The following HMCN1 variants were observed in gnomAD, a reference collection of about 807,000 sequenced individuals.
The protein encoded by HMCN1 is hemicentin 1.
Under a neutral mutation model 625.9 loss-of-function variants are expected in HMCN1, and 321 were observed. That is an observed-to-expected ratio of 0.51 (90% confidence interval 0.47 to 0.56). The LOEUF is 0.56. Among genes scored for constraint, HMCN1 ranks in the 20% least tolerant of loss-of-function variants. HMCN1 has a pLI of 0.00. For missense variants in HMCN1, 6,588 were observed against 6,887.3 expected (o/e 0.96, Z 1.54); for synonymous variants, 2,425 against 2,417.6 (o/e 1.00, Z -0.09).
intron 82 of HMCN1, among the ~76,000 whole-genome samples, chr1:186,126,948 C>G (rs957816330): frequency 1.3e-5 from 2 of 152,018 alleles, no homozygotes; most frequent in African/African-American, 4.8e-5. Flanking sequence ...GGAAGACTCT[C>G]TGGAGGCAGA....
At chr1:186,166,759 G>C (rs760331378) in intron 99 of HMCN1, 49 bp from the exon 100 acceptor site, 1 of 1,613,690 alleles carries the variant, frequency 6.2e-7, no homozygotes, top group South Asian at 1.1e-5. Flanking sequence ...AGGTTCTTGG[G>C]CTGGGTGTTC....
At chr1:186,175,967 A>G (rs962498639) in intron 103 of HMCN1, among the ~76,000 whole-genome samples, 2 of 152,014 alleles carry the variant, frequency 1.3e-5, no homozygotes, top group African/African-American at 2.4e-5. Flanking sequence ...GAGTTAAAGT[A>G]TTAATTTTTA....
At chr1:185,746,309 T>C (rs1654390328) in intron 1 of HMCN1, among the ~76,000 whole-genome samples, 1 of 152,214 alleles carries the variant, frequency 6.6e-6, no homozygotes, top group Admixed American at 6.5e-5. Flanking sequence ...TCAGTTTCAG[T>C]ATGCCCAAGA....
intron 1 of HMCN1, among the ~76,000 whole-genome samples, chr1:185,785,902 G>C (rs1657534787): frequency 6.6e-6 from 1 of 152,134 alleles, no homozygotes; most frequent in Non-Finnish European, 1.5e-5. Flanking sequence ...GAGTGATTTT[G>C]TCATGAACTT....
At chr1:186,007,067 A>G in intron 29 of HMCN1, 61 bp from the exon 30 acceptor site, 1 of 1,317,882 alleles carries the variant, frequency 7.6e-7, no homozygotes, top group South Asian at 1.2e-5. Flanking sequence ...TTTTGTTGTG[A>G]TAAATAAGAA....
At position 185,981,092 on chromosome 1, in the gene HMCN1, C is replaced by G; in HGVS notation, c.2662+19C>G. ...GGACTTGGTAAGATCAATTGAATGTCTACATACCATGGTCTTCAAAGTCAT... is the reference window on the plus strand; with the variant it reads ...GGACTTGGTAAGATCAATTGAATGTGTACATACCATGGTCTTCAAAGTCAT... On this transcript the variant is annotated intron_variant, in intron 17 of 106. Transcript: ENST00000271588. 1 of 1,384,586 alleles carries G rather than the reference C, an allele frequency of 7.2e-7. No individual in the cohort carries two copies. 85.8% of individuals were successfully genotyped at this position (1,384,586 alleles called of 1,614,324 possible).
chr1:185,950,904 T>C (rs1356572083), intron 11 of HMCN1, among the ~76,000 whole-genome samples: 14 of 150,036 alleles, frequency 9.3e-5, no homozygotes, highest in African/African-American at 3.0e-4. Flanking sequence ...CTGAACTAAC[T>C]TGTAAGGCTT....
At chr1:185,818,163 A>G (rs1659959300) in intron 1 of HMCN1, among the ~76,000 whole-genome samples, 1 of 151,982 alleles carries the variant, frequency 6.6e-6, no homozygotes, top group Non-Finnish European at 1.5e-5. Context: ...CTGCAACATA[A>G]TTTTCTTTGC....
At chr1:185,905,047 A>C (rs1490105252) in intron 4 of HMCN1, among the ~76,000 whole-genome samples, 3 of 151,834 alleles carry the variant, frequency 2.0e-5, no homozygotes, top group Non-Finnish European at 4.4e-5. Flanking sequence ...ATAAAATAAA[A>C]ATTAAATACA....
chr1:186,097,692 G>GA (rs903412132), intron 68 of HMCN1, among the ~76,000 whole-genome samples: 19 of 148,422 alleles, frequency 1.3e-4, no homozygotes, highest in South Asian at 4.2e-4. Context: ...CACTGAATTA[G>GA]AAAAAAAAAA....
intron 1 of HMCN1, among the ~76,000 whole-genome samples, chr1:185,797,965 CAAA>C (rs35031310): frequency 3.5e-3 from 48 of 13,648 alleles, no homozygotes; most frequent in African/African-American, 0.014. Context: ...GACTCCGTCT[CAAA>C]AAAAAAAAAA....
At chr1:185,959,776 A>AT (rs149945450) in intron 11 of HMCN1, among the ~76,000 whole-genome samples, 5 of 151,218 alleles carry the variant, frequency 3.3e-5, no homozygotes, top group Non-Finnish European at 7.4e-5. Flanking sequence ...CATTAGTACT[A>AT]TTTTTTTTTC....
rs762795494 is a variant in HMCN1, at chr1:186,182,185, A to T, written c.16312A>T (p.Asn5438Tyr). The change falls in exon 105 of 107, where the codon AAT becomes TAT. Residue 5438 changes from asparagine (N) to tyrosine (Y), a missense_variant. Coordinates refer to ENST00000271588, the MANE Select transcript of HMCN1 (RefSeq NM_031935.3). ...CTGAACAGATATTGATGAATGTGAA[A>T]ATACAGATGCCTGCCAGCATGAGTG... ...DTCVDIDECE[N>Y]TDACQHECKN... 6 of 1,613,390 alleles carry T rather than the reference A, an allele frequency of 3.7e-6. No homozygotes were observed. Among genetic ancestry groups the T allele is most frequent in the Admixed American group, 3.3e-5 (2 of 60,006 alleles).
intron 11 of HMCN1, chr1:185,956,928 A>G (rs1649671379): frequency 1.3e-5 from 2 of 152,232 alleles, no homozygotes; most frequent in Admixed American, 1.3e-4. Flanking sequence ...ATATTTCACG[A>G]TATCACATTG....
At chr1:186,177,439 G>A (rs1413910084) in intron 103 of HMCN1, 1 of 152,408 alleles carries the variant, frequency 6.6e-6, no homozygotes, top group Non-Finnish European at 1.5e-5. Flanking sequence ...CAAGGGGTCA[G>A]GCTGTTGGAG....
intron 9 of HMCN1, among the ~76,000 whole-genome samples, chr1:185,928,053 G>T (rs1196239585): frequency 6.6e-6 from 1 of 152,092 alleles, no homozygotes; most frequent in Non-Finnish European, 1.5e-5. Flanking sequence ...TAGGTTGAAT[G>T]ATATATGGCC....
At chr1:186,062,405 G>A (rs1275974127) in intron 47 of HMCN1, 109 bp from the exon 48 acceptor site, 1 of 719,160 alleles carries the variant, frequency 1.4e-6, no homozygotes, top group Non-Finnish European at 2.5e-6. Context: ...AATGTGGATT[G>A]GGGGATTTGT....
intron 30 of HMCN1, among the ~76,000 whole-genome samples, chr1:186,013,544 C>T (rs936957465): frequency 2.6e-5 from 4 of 152,122 alleles, no homozygotes; most frequent in African/African-American, 9.7e-5. Flanking sequence ...CACTCAGCAT[C>T]CAGATCTTGT....
chr1:186,017,225 A>G (rs919899217), intron 33 of HMCN1, among the ~76,000 whole-genome samples, 154 bp downstream of exon 33: 1 of 152,098 alleles, frequency 6.6e-6, no homozygotes, highest in Non-Finnish European at 1.5e-5. Flanking sequence ...TATACAAGGC[A>G]ATGTCTACTT....
Sources: gnomAD v4.1 joint callset for allele counts (sites outside exome capture counted in the v4.1 genomes callset) on GRCh38, gnomAD v4.1.1 for gene constraint, MANE v1.5 for transcripts, NCBI Gene and HGNC (gene_info 2026-07-23, HGNC 2026-07-21) for gene names.